Variants in DOCK3 observed in about 807,000 individuals in gnomAD.
DOCK3 encodes dedicator of cytokinesis 3, also known as dedicator of cytokinesis protein 3.
Under a neutral mutation model 265.6 loss-of-function variants are expected in DOCK3, and 60 were observed. The ratio of observed to expected loss-of-function variants is 0.23; its 90% CI spans 0.18 to 0.28. The LOEUF (loss-of-function observed/expected upper bound fraction) is 0.28. Ranked by LOEUF, DOCK3 falls within the 10% of genes least tolerant of loss-of-function variation. DOCK3 has a pLI of 1.00. For missense variants in DOCK3, 1,981 were observed against 2,594.3 expected (o/e 0.76, Z 5.14); for synonymous variants, 881 against 938.0 (o/e 0.94, Z 1.11).
At chr3:51,191,289 T>C (rs953184669) in intron 12 of DOCK3, among the ~76,000 whole-genome samples, 29 of 152,246 alleles carry the variant, frequency 1.9e-4, no homozygotes, top group African/African-American at 6.7e-4. Flanking sequence ...CACTCAAGAT[T>C]ATATCACAAA....
intron 9 of DOCK3, among the ~76,000 whole-genome samples, chr3:51,126,857 T>C (rs2084288249): frequency 6.6e-6 from 1 of 152,190 alleles, no homozygotes; most frequent in African/African-American, 2.4e-5. Context: ...GATTATTTCA[T>C]CACCCAGGTA....
At chr3:51,333,363 G>A (rs2084654844) in intron 35 of DOCK3, 110 bp downstream of exon 35, 2 of 1,095,538 alleles carry the variant, frequency 1.8e-6, no homozygotes, top group South Asian at 1.3e-5. Context: ...GGGGAGGACT[G>A]TTGTGATATT....
intron 21 of DOCK3, among the ~76,000 whole-genome samples, chr3:51,246,387 C>T (rs1274921012): frequency 6.6e-6 from 1 of 152,174 alleles, no homozygotes; most frequent in Non-Finnish European, 1.5e-5. Flanking sequence ...CACGCACCAC[C>T]ATGCCTGGCT....
rs554411039 is a variant in DOCK3 at position 51,347,720 on chromosome 3, T to A, written c.3916-1132T>A. On this transcript the variant is annotated intron_variant, in intron 38 of 52. Transcript: ENST00000266037. Reference sequence around the variant, plus strand: ...TGGGGATGGCATTGAATCTATAAATTACCTTGGGCAGTATGGCCATTTTCA... The same window carrying A: ...TGGGGATGGCATTGAATCTATAAATAACCTTGGGCAGTATGGCCATTTTCA... 6.6e-5 allele frequency among the ~76,000 whole-genome samples: 10 copies of A among 152,344 alleles called. No homozygotes were observed. In the East Asian group the frequency reaches 1.9e-3, roughly 29 times the overall value.
intron 2 of DOCK3, among the ~76,000 whole-genome samples, chr3:50,804,685 G>A (rs553088118): frequency 2.3e-4 from 35 of 152,182 alleles, no homozygotes; most frequent in African/African-American, 6.7e-4. Context: ...CCAAGATGGC[G>A]GCACTATAGT....
At chr3:51,322,515 G>T (rs2083802502) in intron 32 of DOCK3, among the ~76,000 whole-genome samples, 1 of 152,106 alleles carries the variant, frequency 6.6e-6, no homozygotes, top group Non-Finnish European at 1.5e-5. Flanking sequence ...CATTCTTAAA[G>T]AAAAGAATTT....
rs752748695 is a variant in DOCK3, at chr3:51,229,470, C to A, written c.1820-42C>A. 6 of 1,407,430 alleles carry A rather than the reference C, an allele frequency of 4.3e-6. No individual in the cohort carries two copies. In the African/African-American group the frequency reaches 4.4e-5, roughly 10 times the overall value. 87.2% of individuals were successfully genotyped at this position (1,407,430 alleles called of 1,614,324 possible). On this transcript the variant is annotated intron_variant, in intron 18 of 52. Coordinates refer to ENST00000266037, the MANE Select transcript of DOCK3 (RefSeq NM_004947.5). ...CGTCTAAAAAAAAAAAAAAGAATAT[C>A]CAGGTTTCAAGGGTTCCTCATCTTT...
At chr3:50,769,647 C>T (rs1358853478) in intron 1 of DOCK3, among the ~76,000 whole-genome samples, 2 of 151,740 alleles carry the variant, frequency 1.3e-5, no homozygotes, top group Non-Finnish European at 2.9e-5. Flanking sequence ...CCTGTCTCTA[C>T]TAAAAATACA....
intron 2 of DOCK3, among the ~76,000 whole-genome samples, chr3:50,812,555 C>T (rs996057365): frequency 2.0e-5 from 3 of 152,184 alleles, no homozygotes; most frequent in Admixed American, 6.5e-5. Flanking sequence ...GGAGAGCTTG[C>T]GGTATAAGTT....
chr3:51,114,358 A>T (rs2083644739), intron 9 of DOCK3, among the ~76,000 whole-genome samples: 1 of 152,182 alleles, frequency 6.6e-6, no homozygotes, highest in South Asian at 2.1e-4. Flanking sequence ...AAGAGCAGAG[A>T]TAGGGTGAGG....
At chr3:50,786,465 G>C (rs1223286092) in intron 2 of DOCK3, among the ~76,000 whole-genome samples, 1 of 152,154 alleles carries the variant, frequency 6.6e-6, no homozygotes, top group Non-Finnish European at 1.5e-5. Context: ...AGGCCAAGGA[G>C]AGTCTGAGAA....
intron 9 of DOCK3, among the ~76,000 whole-genome samples, chr3:51,131,386 A>G (rs2084530710): frequency 6.6e-6 from 1 of 152,116 alleles, no homozygotes; most frequent in Admixed American, 6.6e-5. Flanking sequence ...TACCCTGGTA[A>G]AAGGCCGGAG....
chr3:50,685,179 G>C (rs1006901184), intron 1 of DOCK3, among the ~76,000 whole-genome samples: 2 of 152,142 alleles, frequency 1.3e-5, no homozygotes, highest in Admixed American at 6.5e-5. Context: ...CTGCCGTTCT[G>C]TAATACAGAT....
At chr3:51,027,511 A>G (rs975236148) in intron 5 of DOCK3, among the ~76,000 whole-genome samples, 2 of 151,958 alleles carry the variant, frequency 1.3e-5, no homozygotes, top group Non-Finnish European at 2.9e-5. Flanking sequence ...TTTTGCCTTG[A>G]TGATTATCTA....
chr3:50,793,077 G>A (rs1411910994), intron 2 of DOCK3, among the ~76,000 whole-genome samples: 1 of 152,084 alleles, frequency 6.6e-6, no homozygotes, highest in East Asian at 1.9e-4. Flanking sequence ...TTAAAATTTA[G>A]TTTCAGAGCT....
chr3:50,890,161 T>C lies in DOCK3; in HGVS notation c.218+80T>C, dbSNP rs1000718227. The C allele has an allele frequency of 2.6e-5, 29 of 1,129,600 alleles. No individual in the cohort carries two copies. The Admixed American group carries it at 7.0e-4, about 27-fold the overall frequency. 70.0% of individuals were successfully genotyped at this position (1,129,600 alleles called of 1,614,324 possible). A position where few individuals can be genotyped will look rare whatever the true frequency, so the allele number is the denominator to read the frequency against. On this transcript the variant is annotated intron_variant, in intron 4 of 52. Coordinates refer to ENST00000266037, the MANE Select transcript of DOCK3 (RefSeq NM_004947.5). ...GATTGTTTTTCCTTTTGGTTCATAG[T>C]ATAAAATATACAATTGATATGTTTT...
intron 21 of DOCK3, 49 bp from the exon 22 acceptor site, chr3:51,246,677 C>A: frequency 6.5e-7 from 1 of 1,546,800 alleles, no homozygotes; most frequent in Non-Finnish European, 8.9e-7. Context: ...TTTCAAGCTG[C>A]ATTACTTTTG....
chr3:51,308,926 C>T (rs1262717606), intron 27 of DOCK3, among the ~76,000 whole-genome samples: 39 of 147,978 alleles, frequency 2.6e-4, no homozygotes, highest in Admixed American at 2.4e-3. Context: ...CGGGCAGAGA[C>T]GCTCCTCACC....
At chr3:51,180,224 A>AC (rs1576334974) in intron 12 of DOCK3, among the ~76,000 whole-genome samples, 11 of 149,040 alleles carry the variant, frequency 7.4e-5, no homozygotes, top group East Asian at 4.3e-4. Context: ...AAAAAAAAAA[A>AC]AACACACACA....
Sources: allele counts gnomAD v4.1 joint callset (sites outside exome capture counted in the v4.1 genomes callset), GRCh38; gene constraint gnomAD v4.1.1; transcripts MANE v1.5; gene names NCBI Gene and HGNC (gene_info 2026-07-23, HGNC 2026-07-21).